ZCCHC14: variants seen among roughly 807,000 people sequenced by gnomAD.
ZCCHC14 encodes the protein zinc finger CCHC-type containing 14.
A neutral mutation model predicts 85.0 loss-of-function variants in ZCCHC14; 16 were observed. The observed-to-expected ratio is 0.19, with a 90% CI of 0.13 to 0.29. The LOEUF (loss-of-function observed/expected upper bound fraction) is 0.29, where lower values mean the gene tolerates loss of function less well. Ranked by LOEUF, ZCCHC14 falls within the 10% of genes least tolerant of loss-of-function variation. The pLI is 1.00. For synonymous variants in ZCCHC14, 775 were observed against 630.7 expected, an observed-to-expected ratio of 1.23 and a Z score of -3.43; for missense variants, 1,303 against 1,443.5, an observed-to-expected ratio of 0.90 and a Z score of 1.58.
chr16:87,424,760 C>T (rs1462160100), intron 3 of ZCCHC14, among the ~76,000 whole-genome samples: 1 of 151,954 alleles, frequency 6.6e-6, no homozygotes, highest in African/African-American at 2.4e-5. Context: ...TTCTGAAAGG[C>T]AAATAAGAAG....
chr16:87,411,472 G>A (rs1908431230), intron 12 of ZCCHC14, 44 bp downstream of exon 12: 1 of 1,604,604 alleles, frequency 6.2e-7, no homozygotes, highest in Non-Finnish European at 8.5e-7. Context: ...TGTGTGCACT[G>A]GTCCTGCGGG....
At chr16:87,450,907 CTTTTT>C (rs959477359) in intron 2 of ZCCHC14, among the ~76,000 whole-genome samples, 1 of 150,988 alleles carries the variant, frequency 6.6e-6, no homozygotes. Context: ...TTTTCCTTTT[CTTTTT>C]TTTGAGATGG....
At chr16:87,484,553 G>C (rs748799277) in intron 1 of ZCCHC14, among the ~76,000 whole-genome samples, 1 of 152,200 alleles carries the variant, frequency 6.6e-6, no homozygotes, top group Middle Eastern at 3.2e-3. Flanking sequence ...GTATCTAAGC[G>C]TGTATATGGT....
At chr16:87,414,023 A>C (rs1160097494) in intron 10 of ZCCHC14, among the ~76,000 whole-genome samples, 1 of 152,286 alleles carries the variant, frequency 6.6e-6, no homozygotes, top group Non-Finnish European at 1.5e-5. Flanking sequence ...AAGATTTAAA[A>C]ATGTAAAAAT....
intron 2 of ZCCHC14, among the ~76,000 whole-genome samples, chr16:87,443,630 G>A (rs532246777): frequency 2.6e-5 from 4 of 152,272 alleles, no homozygotes; most frequent in South Asian, 2.1e-4. Context: ...CCAGCTACTC[G>A]GGAGGCCAAG....
chr16:87,450,607 G>A (rs1000388661), intron 2 of ZCCHC14, among the ~76,000 whole-genome samples: 1 of 134,960 alleles, frequency 7.4e-6, no homozygotes, highest in African/African-American at 2.8e-5. Context: ...TTTCACTCCT[G>A]TTGCCCAGAC....
chr16:87,441,397 T>C (rs146132165), intron 2 of ZCCHC14, among the ~76,000 whole-genome samples: 25 of 152,366 alleles, frequency 1.6e-4, no homozygotes, highest in African/African-American at 6.0e-4. Flanking sequence ...TCAGAAGAAG[T>C]ATTTATGTAC....
chr16:87,431,838 T>C (rs2150737224), intron 3 of ZCCHC14, among the ~76,000 whole-genome samples: 1 of 152,260 alleles, frequency 6.6e-6, no homozygotes, highest in African/African-American at 2.4e-5. Flanking sequence ...AGAGGGCCCC[T>C]GTGGTCTTTC....
At chr16:87,423,731 C>G (rs1449252131) in intron 4 of ZCCHC14, 79 bp downstream of exon 4, 1 of 1,527,806 alleles carries the variant, frequency 6.5e-7, no homozygotes, top group African/African-American at 1.4e-5. Flanking sequence ...GGAGTGGCCT[C>G]TGAAATTACT....
chr16:87,440,167 AT>A (rs957078108), intron 2 of ZCCHC14, among the ~76,000 whole-genome samples: 463 of 144,634 alleles, frequency 3.2e-3, no homozygotes, highest in African/African-American at 4.0e-3. Flanking sequence ...TATGTTTACA[AT>A]TTTTTTTTTT....
At chr16:87,459,723 G>A (rs972551404) in intron 2 of ZCCHC14, among the ~76,000 whole-genome samples, 1 of 152,058 alleles carries the variant, frequency 6.6e-6, no homozygotes, top group African/African-American at 2.4e-5. Context: ...TGGTCAGGCT[G>A]GTCTCAAACT....
chr16:87,466,236 C>T (rs774999961), intron 1 of ZCCHC14, among the ~76,000 whole-genome samples: 2 of 152,216 alleles, frequency 1.3e-5, no homozygotes, highest in African/African-American at 4.8e-5. Context: ...TTAATGTTCA[C>T]GGACCTGACC....
intron 1 of ZCCHC14, chr16:87,474,214 C>G (rs1269668050): frequency 6.6e-6 from 1 of 152,396 alleles, no homozygotes; most frequent in South Asian, 2.1e-4. Context: ...GCCTGACTCT[C>G]CTTCCCGTGG....
chr16:87,486,778 T>C (rs1177479904), intron 1 of ZCCHC14, among the ~76,000 whole-genome samples: 1 of 152,196 alleles, frequency 6.6e-6, no homozygotes, highest in Non-Finnish European at 1.5e-5. Context: ...CCAGAAGACT[T>C]AGTTCACAGA....
At chr16:87,461,255 A>C (rs1425394862) in intron 1 of ZCCHC14, among the ~76,000 whole-genome samples, 1 of 152,196 alleles carries the variant, frequency 6.6e-6, no homozygotes, top group East Asian at 1.9e-4. Context: ...AATAAGCCGG[A>C]AGGGGCCCAG....
At chr16:87,464,797 TG>T (rs965958023) in intron 1 of ZCCHC14, among the ~76,000 whole-genome samples, 1 of 152,214 alleles carries the variant, frequency 6.6e-6, no homozygotes, top group Non-Finnish European at 1.5e-5. Context: ...AATGCTGTTT[TG>T]GGGTTATTTT....
chr16:87,440,982 C>A (rs535753510), intron 2 of ZCCHC14, among the ~76,000 whole-genome samples: 31 of 151,726 alleles, frequency 2.0e-4, no homozygotes, highest in Non-Finnish European at 3.1e-4. Context: ...TGCTATTATA[C>A]ATATGCGACT....
intron 2 of ZCCHC14, among the ~76,000 whole-genome samples, chr16:87,444,443 TAAATA>T (rs1222794453): frequency 1.3e-5 from 2 of 152,194 alleles, no homozygotes; most frequent in African/African-American, 4.8e-5. Flanking sequence ...CATACAAACT[TAAATA>T]AATGATTAAG....
intron 1 of ZCCHC14, among the ~76,000 whole-genome samples, chr16:87,468,678 G>T (rs943820197): frequency 5.9e-5 from 9 of 152,172 alleles, no homozygotes; most frequent in African/African-American, 1.9e-4. Context: ...GTTCTCAACT[G>T]GGGGAAATTT....
Sources: allele counts gnomAD v4.1 joint callset (sites outside exome capture counted in the v4.1 genomes callset), GRCh38; gene constraint gnomAD v4.1.1; transcripts MANE v1.5; gene names NCBI Gene and HGNC (gene_info 2026-07-23, HGNC 2026-07-21).